CADPS: variants seen among roughly 807,000 people sequenced by gnomAD.
CADPS encodes calcium dependent secretion activator, also known as calcium-dependent secretion activator 1.
A neutral mutation model predicts 167.3 loss-of-function variants in CADPS; 57 were observed. That is an observed-to-expected ratio of 0.34 (90% CI 0.28 to 0.42). The LOEUF is 0.42. Among genes scored for constraint, CADPS ranks in the 20% least tolerant of loss-of-function variants. The pLI is 1.00. For synonymous variants in CADPS, 676 were observed against 635.3 expected, an observed-to-expected ratio of 1.06 and a Z score of -0.96; for missense variants, 1,414 against 1,738.1, an observed-to-expected ratio of 0.81 and a Z score of 3.32.
chr3:62,811,793 T>A (rs982422358), intron 1 of CADPS, among the ~76,000 whole-genome samples: 22 of 152,136 alleles, frequency 1.4e-4, no homozygotes, highest in African/African-American at 4.6e-4. Context: ...ACATCCATTG[T>A]CTCTAAATGT....
At chr3:62,423,122 C>T (rs1175117093) in intron 28 of CADPS, among the ~76,000 whole-genome samples, 1 of 152,194 alleles carries the variant, frequency 6.6e-6, no homozygotes, top group African/African-American at 2.4e-5. Flanking sequence ...AGATTCCCTA[C>T]TGCGCTGTAG....
chr3:62,585,424 T>C (rs1578251622), intron 7 of CADPS, 100 bp from the exon 8 acceptor site: 3 of 1,240,306 alleles, frequency 2.4e-6, no homozygotes, highest in Admixed American at 2.5e-5. Flanking sequence ...CTTGAACAAT[T>C]CCCACTGTGG....
At chr3:62,483,795 C>T (rs965067728) in intron 21 of CADPS, among the ~76,000 whole-genome samples, 5 of 152,026 alleles carry the variant, frequency 3.3e-5, no homozygotes, top group Non-Finnish European at 5.9e-5. Flanking sequence ...GTAACAAAAC[C>T]GTTGGCGATT....
intron 9 of CADPS, among the ~76,000 whole-genome samples, chr3:62,561,812 T>G (rs191960838): frequency 7.7e-4 from 117 of 152,336 alleles, no homozygotes; most frequent in Middle Eastern, 3.4e-3. Context: ...CTTTCCTTGC[T>G]TTTACCATCA....
intron 19 of CADPS, among the ~76,000 whole-genome samples, chr3:62,493,378 T>C (rs925751311): frequency 2.0e-5 from 3 of 152,048 alleles, no homozygotes; most frequent in Non-Finnish European, 4.4e-5. Flanking sequence ...AAAAACAAAT[T>C]GCCAGCCTCT....
intron 1 of CADPS, among the ~76,000 whole-genome samples, chr3:62,827,600 C>A (rs2074299030): frequency 6.7e-6 from 1 of 150,288 alleles, no homozygotes; most frequent in South Asian, 2.1e-4. Context: ...ATTTTCCAAG[C>A]CTAGATTTCT....
intron 28 of CADPS, among the ~76,000 whole-genome samples, chr3:62,423,442 G>A (rs2051906122): frequency 6.6e-6 from 1 of 152,214 alleles, no homozygotes; most frequent in Non-Finnish European, 1.5e-5. Flanking sequence ...AGTGATTACA[G>A]TAAGAACCCC....
At chr3:62,730,348 G>A (rs923043299) in intron 3 of CADPS, among the ~76,000 whole-genome samples, 2 of 152,122 alleles carry the variant, frequency 1.3e-5, no homozygotes, top group Non-Finnish European at 2.9e-5. Context: ...AGAAGTTAGG[G>A]ATGCTGCCAA....
In CADPS at chr3:62,467,301, C is replaced by T. The variant is rs1346294244; in HGVS notation, c.3478-888G>A. 5 of 1,257,892 alleles carry T rather than the reference C, an allele frequency of 4.0e-6. No homozygotes were observed. In the Admixed American group the frequency reaches 1.0e-4, roughly 26 times the overall value. 77.9% of individuals were successfully genotyped at this position (1,257,892 alleles called of 1,614,324 possible). ...TTGAAAAGGAAAATGCACTTACCCA[C>T]ATTTTAGCAAACTTTCAGAAGGATG... On this transcript the variant is annotated intron_variant, in intron 24 of 29. Transcript: ENST00000383710.
intron 6 of CADPS, among the ~76,000 whole-genome samples, chr3:62,638,060 A>T (rs2066653991): frequency 7.2e-6 from 1 of 139,302 alleles, no homozygotes. Flanking sequence ...CTATCTGCCC[A>T]AGCATTGTTT....
rs117200606 is a variant in CADPS, at chr3:62,651,107, C to T, written c.970-27G>A. The T allele has an allele frequency of 8.8e-4, 1,317 of 1,496,430 alleles. 16 individuals carry two copies. In the East Asian group the frequency reaches 0.028, roughly 32 times the overall value. The allele number at this position is 1,496,430 out of a possible 1,614,324, so 92.7% of individuals were successfully genotyped here. A position where few individuals can be genotyped will look rare whatever the true frequency, so the allele number is the denominator to read the frequency against. On this transcript the variant is annotated intron_variant, in intron 4 of 29. Coordinates refer to ENST00000383710, the MANE Select transcript of CADPS (RefSeq NM_003716.4). ...TTGGGAAGAAAAAGAAAAGTATGAG[C>T]AGAGGAGAAAATAGAAAGCTGATTT... is the stretch of plus-strand genomic sequence containing the variant.
At chr3:62,867,029 T>C (rs957100350) in intron 1 of CADPS, among the ~76,000 whole-genome samples, 3 of 152,054 alleles carry the variant, frequency 2.0e-5, no homozygotes, top group Non-Finnish European at 2.9e-5. Context: ...TCTAGATATA[T>C]AAAGTTTTGA....
chr3:62,620,183 G>A (rs2062953691), intron 6 of CADPS, among the ~76,000 whole-genome samples: 1 of 152,076 alleles, frequency 6.6e-6, no homozygotes, highest in Non-Finnish European at 1.5e-5. Context: ...CTTTTCTGTT[G>A]TTGGAATAGG....
chr3:62,487,272 T>C (rs1321836360), intron 21 of CADPS, among the ~76,000 whole-genome samples: 1 of 152,174 alleles, frequency 6.6e-6, no homozygotes, highest in Non-Finnish European at 1.5e-5. Flanking sequence ...GAATGAGTTG[T>C]TTTCTAGGTT....
chr3:62,509,309 AAAGAAAG>A (rs2067291750), intron 17 of CADPS, among the ~76,000 whole-genome samples: 9 of 119,374 alleles, frequency 7.5e-5, no homozygotes, highest in Admixed American at 1.8e-4. Context: ...AAAAAAAAAG[AAAGAAAG>A]AAAGAAAGAA....
intron 6 of CADPS, among the ~76,000 whole-genome samples, chr3:62,628,581 T>TAC (rs3080621): frequency 0.36 from 53,269 of 148,780 alleles, 10,225 homozygotes; most frequent in East Asian, 0.66. Context: ...TCTACTCCTT[T>TAC]ACACACACAC....
intron 3 of CADPS, among the ~76,000 whole-genome samples, chr3:62,725,572 T>C (rs1026426158): frequency 6.7e-6 from 1 of 149,498 alleles, no homozygotes. Flanking sequence ...AGAATGATAA[T>C]AGCACCCACC....
intron 1 of CADPS, among the ~76,000 whole-genome samples, chr3:62,778,544 C>G (rs1283915575): frequency 6.6e-6 from 1 of 152,192 alleles, no homozygotes; most frequent in Non-Finnish European, 1.5e-5. Context: ...ACTCCCTCAT[C>G]CCTGACTCTT....
intron 5 of CADPS, among the ~76,000 whole-genome samples, chr3:62,647,477 C>A (rs1354823977): frequency 6.6e-6 from 1 of 152,144 alleles, no homozygotes; most frequent in East Asian, 1.9e-4. Context: ...GCTGCTGACC[C>A]AGAAGCCATA....
Sources: gnomAD v4.1 joint callset for allele counts (sites outside exome capture counted in the v4.1 genomes callset) on GRCh38, gnomAD v4.1.1 for gene constraint, MANE v1.5 for transcripts, NCBI Gene and HGNC (gene_info 2026-07-23, HGNC 2026-07-21) for gene names.